Variants in DOCK5 observed in about 807,000 individuals in gnomAD.
The protein encoded by DOCK5 is dedicator of cytokinesis 5, also known as dedicator of cytokinesis protein 5.
Under a neutral mutation model 251.8 loss-of-function variants are expected in DOCK5, and 142 were observed. The observed-to-expected ratio is 0.56, with a 90% CI of 0.49 to 0.65. The LOEUF (loss-of-function observed/expected upper bound fraction) is 0.65. Ranked by LOEUF, DOCK5 falls within the 30% of genes least tolerant of loss-of-function variation. DOCK5 has a pLI of 0.00. For synonymous variants in DOCK5, 842 were observed against 835.5 expected (o/e 1.01, Z -0.13); for missense variants, 2,111 against 2,312.3 (o/e 0.91, Z 1.79).
chr8:25,254,782 ACAAAAC>A lies in DOCK5; in HGVS notation c.127+11026_127+11031del, dbSNP rs760490155. Among the ~76,000 whole-genome samples, 603 of 75,418 alleles carry A rather than the reference ACAAAAC, an allele frequency of 8.0e-3. 149 individuals carry two copies. Among genetic ancestry groups the A allele is most frequent in the African/African-American group, 0.022 (491 of 21,872 alleles). The allele number at this position is 75,418 out of a possible 152,430, so 49.5% of individuals were successfully genotyped here. A position where few individuals can be genotyped will look rare whatever the true frequency, so the allele number is the denominator to read the frequency against. On this transcript the variant is annotated intron_variant, in intron 2 of 51. Coordinates refer to ENST00000276440, the MANE Select transcript of DOCK5 (RefSeq NM_024940.8). ...AAGCAAGACTTTGTCTCAAAAAAAA[ACAAAAC>A]AAAACAAAAAAAAAAAACATTTGAT...
intron 39 of DOCK5, among the ~76,000 whole-genome samples, chr8:25,381,318 A>G (rs1302684820): frequency 6.6e-6 from 1 of 152,170 alleles, no homozygotes; most frequent in Admixed American, 6.5e-5. Context: ...CATGCAAAAA[A>G]CTGACTTATT....
intron 18 of DOCK5, 91 bp downstream of exon 18, chr8:25,325,638 G>A: frequency 8.9e-6 from 13 of 1,468,892 alleles, no homozygotes; most frequent in Non-Finnish European, 1.2e-5. Context: ...ACTATATGGG[G>A]CTGGGTCTTA....
chr8:25,251,070 A>T (rs1042612120), intron 2 of DOCK5, among the ~76,000 whole-genome samples: 1 of 152,140 alleles, frequency 6.6e-6, no homozygotes, highest in Non-Finnish European at 1.5e-5. Flanking sequence ...TCCAGTCACA[A>T]GTGGTTTTAG....
chr8:25,213,310 T>C (rs7832979), intron 1 of DOCK5, among the ~76,000 whole-genome samples: 149,338 of 149,344 alleles, frequency 1, 74,666 homozygotes, highest in Middle Eastern at 1. Context: ...CACACCCAGA[T>C]ATTTTTGTTT....
chr8:25,320,802 T>G (rs370286355), intron 15 of DOCK5, among the ~76,000 whole-genome samples, 178 bp from the exon 16 acceptor site: 2 of 152,212 alleles, frequency 1.3e-5, no homozygotes, highest in South Asian at 4.1e-4. Flanking sequence ...AGCAAGATGA[T>G]CTGAGATTCT....
At chr8:25,235,300 G>C (rs966781141) in intron 1 of DOCK5, among the ~76,000 whole-genome samples, 3 of 152,172 alleles carry the variant, frequency 2.0e-5, no homozygotes, top group Non-Finnish European at 4.4e-5. Flanking sequence ...TACAATCTCA[G>C]CTCACTGTAG....
chr8:25,378,946 C>G (rs910246099), intron 38 of DOCK5, among the ~76,000 whole-genome samples: 48 of 152,242 alleles, frequency 3.2e-4, no homozygotes, highest in African/African-American at 1.1e-3. Flanking sequence ...CCGTGATGCC[C>G]ACCTGAGCTG....
intron 1 of DOCK5, among the ~76,000 whole-genome samples, chr8:25,205,615 T>C (rs1417982990): frequency 6.6e-6 from 1 of 152,238 alleles, no homozygotes; most frequent in Non-Finnish European, 1.5e-5. Flanking sequence ...GTAATTCACA[T>C]GCACATCAGA....
At chr8:25,297,888 A>G (rs756743591) in intron 7 of DOCK5, among the ~76,000 whole-genome samples, 2 of 151,824 alleles carry the variant, frequency 1.3e-5, no homozygotes, top group Non-Finnish European at 2.9e-5. Flanking sequence ...CCCCATTTCT[A>G]CAAAAAATTT....
intron 18 of DOCK5, among the ~76,000 whole-genome samples, chr8:25,329,134 C>G (rs538469176): frequency 5.9e-5 from 9 of 152,236 alleles, no homozygotes; most frequent in African/African-American, 1.9e-4. Context: ...TTCTTAAATT[C>G]TCTCCTTTAG....
intron 1 of DOCK5, among the ~76,000 whole-genome samples, chr8:25,229,071 A>C (rs1309135363): frequency 6.6e-6 from 1 of 151,140 alleles, no homozygotes; most frequent in African/African-American, 2.4e-5. Context: ...TGTCTACCAA[A>C]AAAAAAAAAA....
intron 27 of DOCK5, among the ~76,000 whole-genome samples, chr8:25,354,662 G>A (rs548267066): frequency 6.6e-6 from 1 of 152,284 alleles, no homozygotes; most frequent in African/African-American, 2.4e-5. Flanking sequence ...AAAATGTACA[G>A]ACAGACACAG....
chr8:25,319,655 C>G lies in DOCK5; in HGVS notation c.1521C>G (p.Pro507=). The G allele has an allele frequency of 6.3e-7, 1 of 1,586,586 alleles. No homozygotes were observed. Among genetic ancestry groups the G allele is most frequent in the Admixed American group, 1.8e-5 (1 of 56,220 alleles). ...KSVVYYQVKQ[P]CWYETVKVSI... is the part of the protein sequence containing the mutation. ...TAGTCTATTACCAAGTCAAGCAGCC[C>G]TGTTGGTATGAGACTGTCAAGGTGA... The change falls in exon 15 of 52, where the codon CCC becomes CCG. Residue 507 remains proline, a synonymous_variant. Transcript: ENST00000276440.
At chr8:25,250,858 T>G (rs73673872) in intron 2 of DOCK5, among the ~76,000 whole-genome samples, 65 of 152,326 alleles carry the variant, frequency 4.3e-4, no homozygotes, top group African/African-American at 1.4e-3. Context: ...AGGTTGGTAG[T>G]TTTGTCCTTG....
intron 2 of DOCK5, among the ~76,000 whole-genome samples, chr8:25,266,376 C>T (rs560302767): frequency 2.9e-4 from 44 of 151,428 alleles, no homozygotes; most frequent in African/African-American, 4.4e-4. Flanking sequence ...CCACCACGCC[C>T]GGCTAATTTT....
intron 1 of DOCK5, among the ~76,000 whole-genome samples, chr8:25,225,194 C>A (rs890086224): frequency 6.6e-6 from 1 of 152,140 alleles, no homozygotes; most frequent in South Asian, 2.1e-4. Context: ...TGTGGTAGTT[C>A]CTCCAAAAAT....
intron 1 of DOCK5, among the ~76,000 whole-genome samples, chr8:25,222,099 G>A (rs1165839972): frequency 6.6e-6 from 1 of 152,152 alleles, no homozygotes; most frequent in Non-Finnish European, 1.5e-5. Context: ...TTTCTGTGAA[G>A]GAAAAAGGAT....
chr8:25,376,475 T>A, intron 37 of DOCK5: 1 of 633,798 alleles, frequency 1.6e-6, no homozygotes, highest in Non-Finnish European at 2.0e-6. Flanking sequence ...CCATACTGTA[T>A]TAATTATTAA....
intron 1 of DOCK5, among the ~76,000 whole-genome samples, chr8:25,201,535 C>A (rs182445363): frequency 2.0e-5 from 3 of 152,200 alleles, no homozygotes; most frequent in Non-Finnish European, 4.4e-5. Flanking sequence ...CTGATTACTA[C>A]CTTTAGTCCT....
Sources: allele counts gnomAD v4.1 joint callset (sites outside exome capture counted in the v4.1 genomes callset), GRCh38; gene constraint gnomAD v4.1.1; transcripts MANE v1.5; gene names NCBI Gene and HGNC (gene_info 2026-07-23, HGNC 2026-07-21).